The following CACNG6 variants were observed in gnomAD, a reference collection of about 807,000 sequenced individuals.
CACNG6 encodes the protein voltage-dependent calcium channel gamma-6 subunit.
CACNG6 carries 21 observed loss-of-function variants against 23.9 expected under a neutral mutation model. The observed-to-expected ratio is 0.88, with a 90% CI of 0.62 to 1.26. The LOEUF (loss-of-function observed/expected upper bound fraction) is 1.26. Among genes scored for constraint, CACNG6 ranks in the 50% most tolerant of loss-of-function variants. The pLI, the probability that CACNG6 is intolerant of heterozygous loss-of-function variation, is 0.00. For missense variants in CACNG6, 340 were observed against 352.9 expected (o/e 0.96, Z 0.29); for synonymous variants, 182 against 168.9 (o/e 1.08, Z -0.60).
At chr19:53,991,351 GCCCCGC>G (rs1472404551), upstream of CACNG6, among the ~76,000 whole-genome samples, 1 of 151,770 alleles carries the variant, frequency 6.6e-6, no homozygotes, top group East Asian at 2.0e-4. Context: ...CAGACTTGCT[GCCCCGC>G]CCGTCTCCTG....
At position 53,998,490 on chromosome 19, in the gene CACNG6, CTCTAGAGAA is replaced by C. The variant is rs760212456; in HGVS notation, c.406+187_406+195del. ...GAGAGTTAATGATGGGGACATGGTG[CTCTAGAGAA>C]TCTAGAGAACTCTTTTTTTTTTTTT... On this transcript the variant is annotated intron_variant, in intron 2 of 3. Transcript: ENST00000252729. Among the ~76,000 whole-genome samples the C allele has an allele frequency of 6.1e-4, 91 of 148,464 alleles. No homozygotes were observed. In the Middle Eastern group the frequency reaches 0.025, roughly 41 times the overall value.
At chr19:53,995,998 A>G (rs1238131944) in intron 1 of CACNG6, among the ~76,000 whole-genome samples, 1 of 152,078 alleles carries the variant, frequency 6.6e-6, no homozygotes, top group African/African-American at 2.4e-5. Flanking sequence ...ATAAGAACTC[A>G]CATATCCCAC....
At chr19:53,998,447 C>A in intron 2 of CACNG6, 134 bp downstream of exon 2, 1 of 688,542 alleles carries the variant, frequency 1.5e-6, no homozygotes, top group East Asian at 2.8e-5. Flanking sequence ...GTGGCTGTCC[C>A]CTGGGGAGTG....
chr19:54,008,533 T>C, intron 3 of CACNG6, among the ~76,000 whole-genome samples: 1 of 152,122 alleles, frequency 6.6e-6, no homozygotes, highest in South Asian at 2.1e-4. Flanking sequence ...ACCTGGCCCC[T>C]GCCCGCCCCT....
chr19:53,992,828 C>A lies in CACNG6; in HGVS notation c.-50C>A, dbSNP rs771779216. 5.4e-6 allele frequency: 7 copies of A among 1,294,326 alleles called. No individual in the cohort carries two copies. The South Asian group carries it at 9.4e-5, about 17-fold the overall frequency. The allele number at this position is 1,294,326 out of a possible 1,614,324, so 80.2% of individuals were successfully genotyped here. On this transcript the variant is annotated 5_prime_UTR_variant, in exon 1 of 4. Coordinates refer to ENST00000252729, the MANE Select transcript of CACNG6 (RefSeq NM_145814.2). This position sits in a 1 kb window ranked among gnomAD's most constrained non-coding sequence, Gnocchi z 4.1. ...CGCTCCTCGCTCCCGCCCCTCGAGG[C>A]CCTTCGCCGGCTCTGCCTCCTCCCC...
At chr19:53,993,290 G>C (rs1237846362) in intron 1 of CACNG6, 82 bp downstream of exon 1, 6 of 1,374,146 alleles carry the variant, frequency 4.4e-6, no homozygotes, top group South Asian at 2.8e-5. Context: ...GAGAAAACCC[G>C]CCCCAGGGAC....
intron 1 of CACNG6, among the ~76,000 whole-genome samples, chr19:53,995,075 G>T (rs374146467): frequency 6.6e-6 from 1 of 152,060 alleles, no homozygotes; most frequent in East Asian, 1.9e-4. Context: ...GAGAAATCTC[G>T]GTGGCTCGGT....
intron 3 of CACNG6, among the ~76,000 whole-genome samples, chr19:54,011,205 A>AAAAATATATAT (rs58054808): frequency 6.8e-5 from 7 of 102,504 alleles, no homozygotes; most frequent in African/African-American, 3.5e-4. Flanking sequence ...AAAAAAAAAA[A>AAAAATATATAT]ATATATATAT....
chr19:53,995,795 G>A (rs1337511626), intron 1 of CACNG6, among the ~76,000 whole-genome samples: 1 of 152,216 alleles, frequency 6.6e-6, no homozygotes, highest in African/African-American at 2.4e-5. Flanking sequence ...CCAAGTAGCT[G>A]GGATTACAGG....
chr19:53,999,777 G>A lies in CACNG6; in HGVS notation c.544+6G>A. 1 of 1,613,280 alleles carries A rather than the reference G, an allele frequency of 6.2e-7. No individual in the cohort carries two copies. The highest frequency in any genetic ancestry group is 1.3e-5 in the African/African-American group (1 of 75,040). On this transcript the variant is annotated splice_donor_region_variant and intron_variant, in intron 3 of 3. Transcript: ENST00000252729. The stretch of plus-strand genomic sequence containing the variant: ...CGTCTGCTTTGGCCTCTCAGGTGAG[G>A]GTTCAGAGCCTGGAGGCTGAGGACA...
chr19:54,001,692 C>CA (rs1345849536), intron 3 of CACNG6, among the ~76,000 whole-genome samples: 2 of 152,052 alleles, frequency 1.3e-5, no homozygotes, highest in African/African-American at 4.8e-5. Flanking sequence ...TTGAAGATGT[C>CA]AAAGTATGGA....
chr19:54,002,278 TTTTTTG>T (rs1367477348), intron 3 of CACNG6, among the ~76,000 whole-genome samples: 1,480 of 138,132 alleles, frequency 0.011, 104 homozygotes, highest in African/African-American at 0.044. Context: ...TTTTTTTGTT[TTTTTTG>T]TTTTTTTTTT....
At chr19:54,001,888 A>C (rs2069579002) in intron 3 of CACNG6, among the ~76,000 whole-genome samples, 1 of 152,200 alleles carries the variant, frequency 6.6e-6, no homozygotes. Flanking sequence ...ACTTCTTAAC[A>C]GCCATGTAAT....
At chr19:54,003,884 G>T (rs1024170390) in intron 3 of CACNG6, among the ~76,000 whole-genome samples, 1 of 151,872 alleles carries the variant, frequency 6.6e-6, no homozygotes, top group African/African-American at 2.4e-5. Context: ...TTAAGACAGG[G>T]TCTGGCTCTG....
chr19:53,999,758 C>G lies in CACNG6; in HGVS notation c.531C>G (p.Cys177Trp). ...AEFLLRVGAV[C>W]FGLSGLLLLV... Reference sequence around the variant, plus strand: ...TCCTGCTCCGAGTTGGAGCCGTCTGCTTTGGCCTCTCAGGTGAGGGTTCAG... The same window carrying G: ...TCCTGCTCCGAGTTGGAGCCGTCTGGTTTGGCCTCTCAGGTGAGGGTTCAG... Residue 177 changes from cysteine (C) to tryptophan (W), a missense_variant, in exon 3 of 4, where the codon TGC (cysteine) becomes TGG (tryptophan). Cys to Trp is a radical substitution (Grantham distance 215). Transcript: ENST00000252729. The G allele has an allele frequency of 5.0e-6, 8 of 1,613,904 alleles. No homozygotes were observed. The highest frequency in any genetic ancestry group is 6.8e-6 in the Non-Finnish European group (8 of 1,180,016).
At chr19:54,005,168 C>T (rs898967375) in intron 3 of CACNG6, among the ~76,000 whole-genome samples, 4 of 150,846 alleles carry the variant, frequency 2.7e-5, no homozygotes, top group Non-Finnish European at 4.4e-5. Flanking sequence ...GGGATCGCGC[C>T]ACTGCACTCC....
At chr19:54,002,955 T>C (rs945478669) in intron 3 of CACNG6, among the ~76,000 whole-genome samples, 3 of 152,172 alleles carry the variant, frequency 2.0e-5, no homozygotes, top group Admixed American at 2.0e-4. Flanking sequence ...GCTGCCCTCG[T>C]GGATTTATAG....
chr19:53,991,568 G>A (rs1033024319), upstream of CACNG6, among the ~76,000 whole-genome samples: 1 of 140,596 alleles, frequency 7.1e-6, no homozygotes, highest in African/African-American at 2.5e-5. Context: ...GCCCGAAATA[G>A]CCCCGAGGGT....
chr19:53,998,632 C>T (rs2069546206), intron 2 of CACNG6, among the ~76,000 whole-genome samples: 1 of 151,796 alleles, frequency 6.6e-6, no homozygotes, highest in African/African-American at 2.4e-5. Context: ...CTACCTCAGC[C>T]TCCTGAGTAG....
Sources: allele counts gnomAD v4.1 joint callset (sites outside exome capture counted in the v4.1 genomes callset), GRCh38; gene constraint gnomAD v4.1.1; non-coding constraint Gnocchi (gnomAD v3.1); transcripts MANE v1.5; gene names NCBI Gene and HGNC (gene_info 2026-07-23, HGNC 2026-07-21).